MCF2: variants seen among roughly 807,000 people sequenced by gnomAD.
MCF2 encodes the protein proto-oncogene DBL.
MCF2 carries 44 observed loss-of-function variants against 82.5 expected under a neutral mutation model. The observed-to-expected ratio is 0.53, with a 90% CI of 0.42 to 0.69. The LOEUF (loss-of-function observed/expected upper bound fraction) is 0.69. Ranked by LOEUF, MCF2 falls within the 30% of genes least tolerant of loss-of-function variation. The probability of loss-of-function intolerance (pLI) is 0.00; values close to 1 mark genes in which losing one functional copy is unlikely to be tolerated. For synonymous variants in MCF2, 217 were observed against 224.9 expected, an observed-to-expected ratio of 0.96 and a Z score of 0.32; for missense variants, 623 against 663.1, an observed-to-expected ratio of 0.94 and a Z score of 0.66.
At chrX:139,610,205 A>G (rs765726883) in intron 11 of MCF2, 96 bp downstream of exon 15, 1 of 558,901 alleles carries the variant, frequency 1.8e-6, no homozygotes, top group South Asian at 3.2e-5. Context: ...CAAAGACACA[A>G]TATTTGTCTA....
chrX:139,645,361 A>G (rs763752567), upstream of MCF2, among the ~76,000 whole-genome samples: 46 of 111,135 alleles, frequency 4.1e-4, 1 homozygote, highest in Non-Finnish European at 7.2e-4. Flanking sequence ...CTGGAGCCAC[A>G]AACTACTCAC....
At chrX:139,670,116 T>A (rs1351041564) in intron 1 of MCF2, among the ~76,000 whole-genome samples, 1 of 108,295 alleles carries the variant, frequency 9.2e-6, no homozygotes, top group Non-Finnish European at 1.9e-5. Flanking sequence ...AAAAAGTTCA[T>A]TTGAACGATG....
At chrX:139,592,862 C>A (rs778874515) in intron 19 of MCF2, among the ~76,000 whole-genome samples, 30 of 111,816 alleles carry the variant, frequency 2.7e-4, no homozygotes, top group African/African-American at 9.4e-4. Flanking sequence ...GCTGCTGATC[C>A]TATGGGAAGA....
intron 19 of MCF2, among the ~76,000 whole-genome samples, chrX:139,595,243 C>T (rs1390093864): frequency 1.8e-5 from 2 of 109,029 alleles, no homozygotes; most frequent in East Asian, 5.8e-4. Context: ...ACCCAAAGGA[C>T]TATAAATCAT....
At chrX:139,691,847 G>T in intron 1 of MCF2, 1 of 911,183 alleles carries the variant, frequency 1.1e-6, no homozygotes, top group Non-Finnish European at 1.6e-6. Context: ...GGCTGGGGAG[G>T]CAGCGGCTGA....
chrX:139,585,886 C>A (rs1326319301), intron 23 of MCF2, among the ~76,000 whole-genome samples: 2 of 112,055 alleles, frequency 1.8e-5, no homozygotes, highest in Middle Eastern at 4.7e-3. Context: ...CAAATAAAAC[C>A]ATTCACAGAG....
chrX:139,661,622 T>C (rs1217332572), intron 1 of MCF2, among the ~76,000 whole-genome samples: 2 of 111,628 alleles, frequency 1.8e-5, no homozygotes, highest in Admixed American at 1.9e-4. Context: ...CTGAATACTA[T>C]TCTAAGATGC....
intron 1 of MCF2, among the ~76,000 whole-genome samples, chrX:139,696,719 G>T (rs1603310884): frequency 9.0e-6 from 1 of 111,597 alleles, no homozygotes; most frequent in Admixed American, 9.5e-5. Context: ...ATTAGGCATA[G>T]GTTTTGAGAA....
intron 2 of MCF2, among the ~76,000 whole-genome samples, chrX:139,650,346 G>A (rs1933955839): frequency 9.0e-6 from 1 of 111,176 alleles, no homozygotes; most frequent in Non-Finnish European, 1.9e-5. Flanking sequence ...AGAGCAAGAA[G>A]TTGTCTTTAA....
chrX:139,624,202 G>C (rs748200913), intron 6 of MCF2, among the ~76,000 whole-genome samples: 12 of 111,389 alleles, frequency 1.1e-4, no homozygotes, highest in African/African-American at 3.6e-4. Flanking sequence ...ATCATGAGAA[G>C]ATGTCCAACA....
intron 16 of MCF2, 31 bp from the exon 21 acceptor site, chrX:139,598,529 T>A: frequency 1.2e-6 from 1 of 867,233 alleles, no homozygotes; most frequent in Non-Finnish European, 1.6e-6. Flanking sequence ...TCAATAAAAT[T>A]AAATTAAGAC....
rs112927998 is a variant in MCF2 at position 139,636,742 on chromosome X, C to T, written c.52-4288G>A. Among the ~76,000 whole-genome samples the T allele has an allele frequency of 9.1e-3, 1,012 of 111,716 alleles. 13 individuals are homozygous for T. Among genetic ancestry groups the T allele is most frequent in the African/African-American group, 0.029 (904 of 30,794 alleles). ...AGAAAGGAGAGAGAAGGAAAATCAC[C>T]GTCTGCAAGATGAGTGGGGAAGTGA... On this transcript the variant is annotated intron_variant, in intron 1 of 24. Transcript: ENST00000370576.
intron 5 of MCF2, 132 bp downstream of exon 8, chrX:139,626,491 A>G: frequency 5.5e-6 from 4 of 721,160 alleles, no homozygotes; most frequent in Non-Finnish European, 8.3e-6. Context: ...TCTGTAGGAC[A>G]ACCTAGAAAT....
At chrX:139,582,607 G>A in intron 24 of MCF2, 104 bp from the exon 29 acceptor site, 1 of 521,810 alleles carries the variant, frequency 1.9e-6, no homozygotes, top group Non-Finnish European at 3.3e-6. Context: ...GAAGAAGGGT[G>A]TATGGAATAC....
chrX:139,607,886 A>C (rs1020681494), intron 11 of MCF2, 107 bp from the exon 16 acceptor site: 4 of 478,951 alleles, frequency 8.4e-6, no homozygotes, highest in Non-Finnish European at 1.1e-5. Flanking sequence ...CTCTGAAGAT[A>C]AATTGAAAAA....
chrX:139,672,889 A>G (rs1471102120), intron 1 of MCF2, among the ~76,000 whole-genome samples: 6 of 111,731 alleles, frequency 5.4e-5, no homozygotes, highest in Admixed American at 9.5e-5. Context: ...CAGAAGGAAT[A>G]GTACCAGCTC....
intron 24 of MCF2, among the ~76,000 whole-genome samples, chrX:139,583,585 A>C (rs1473942943): frequency 5.4e-5 from 6 of 110,983 alleles, no homozygotes; most frequent in Non-Finnish European, 1.1e-4. Context: ...CACAATGAAC[A>C]CTGGGGACTA....
intron 4 of MCF2, among the ~76,000 whole-genome samples, chrX:139,627,649 C>A (rs966976974): frequency 4.5e-5 from 5 of 111,453 alleles, no homozygotes; most frequent in Non-Finnish European, 9.4e-5. Context: ...ACATTAAAAG[C>A]CAATATTTAC....
chrX:139,674,796 G>A lies in MCF2; in HGVS notation c.-44-23008C>T, dbSNP rs147504172. Among the ~76,000 whole-genome samples the A allele has an allele frequency of 2.5e-3, 280 of 111,498 alleles. 1 individual carries two copies. The highest frequency in any genetic ancestry group is 8.5e-3 in the African/African-American group (261 of 30,703). On this transcript the variant is annotated intron_variant, in intron 1 of 27. Coordinates refer to the MCF2 transcript ENST00000414978. Reference sequence around the variant, plus strand: ...CAACCTTGGTGAATCTGACAACTATGTGTCTTGGGGTTGCTCTTCTTGAGG... The same window carrying A: ...CAACCTTGGTGAATCTGACAACTATATGTCTTGGGGTTGCTCTTCTTGAGG...
Sources: gnomAD v4.1 joint callset for allele counts (sites outside exome capture counted in the v4.1 genomes callset) on GRCh38, gnomAD v4.1.1 for gene constraint, MANE v1.5 for transcripts, NCBI Gene and HGNC (gene_info 2026-07-23, HGNC 2026-07-21) for gene names.